Variants in PLEKHG1 observed in about 807,000 individuals in gnomAD.
The protein encoded by PLEKHG1 is pleckstrin homology and RhoGEF domain containing G1.
A neutral mutation model predicts 100.8 loss-of-function variants in PLEKHG1; 44 were observed. That is an observed-to-expected ratio of 0.44 (90% CI 0.34 to 0.56). PLEKHG1 has a LOEUF of 0.56. Ranked by LOEUF, PLEKHG1 falls within the 20% of genes least tolerant of loss-of-function variation. The pLI is 0.01. For missense variants in PLEKHG1, 1,545 were observed against 1,720.9 expected (o/e 0.90, Z 1.81); for synonymous variants, 640 against 662.5 (o/e 0.97, Z 0.52).
upstream of PLEKHG1, among the ~76,000 whole-genome samples, chr6:150,717,333 C>A (rs1364580442): frequency 3.9e-5 from 6 of 152,140 alleles, no homozygotes; most frequent in Non-Finnish European, 5.9e-5. Flanking sequence ...AGCCACCACA[C>A]CTGGCCTAAA....
chr6:150,775,168 A>G (rs1438791982), intron 3 of PLEKHG1, among the ~76,000 whole-genome samples: 2 of 152,206 alleles, frequency 1.3e-5, no homozygotes, highest in Admixed American at 1.3e-4. Context: ...AGTCAAAAGA[A>G]ACCACTTTCC....
chr6:150,743,693 A>T (rs138067314), intron 2 of PLEKHG1, among the ~76,000 whole-genome samples: 1 of 152,042 alleles, frequency 6.6e-6, no homozygotes, highest in African/African-American at 2.4e-5. Context: ...CCCTTCTTCT[A>T]TGTCTCCACC....
At chr6:150,672,785 A>G (rs13206482) in intron 3 of PLEKHG1, among the ~76,000 whole-genome samples, 1 of 152,254 alleles carries the variant, frequency 6.6e-6, no homozygotes, top group Non-Finnish European at 1.5e-5. Flanking sequence ...ATAAGATTAA[A>G]TAAAGTAACT....
chr6:150,744,167 C>T (rs1016727038), intron 2 of PLEKHG1, among the ~76,000 whole-genome samples: 4 of 152,146 alleles, frequency 2.6e-5, no homozygotes, highest in Non-Finnish European at 2.9e-5. Context: ...CCCCGCCTCC[C>T]GGGTTCAAGT....
In PLEKHG1 at chr6:150,839,690, A is replaced by T. The variant is rs568566201; in HGVS notation, c.3095-143A>T. On this transcript the variant is annotated intron_variant, in intron 15 of 15. Transcript: ENST00000358517. ...TGTGTGTGTTGCTCAGAGTTCAAAG[A>T]TTACTCATCCTTAGACATCAGTTAG... The T allele has an allele frequency of 2.8e-5, 17 of 601,510 alleles. 1 individual carries two copies. Among genetic ancestry groups the T allele is most frequent in the African/African-American group, 1.7e-4 (9 of 54,230 alleles). The allele number at this position is 601,510 out of a possible 1,614,324, so 37.3% of individuals were successfully genotyped here.
chr6:150,818,064 CGA>C (rs1316952576), intron 10 of PLEKHG1, 117 bp from the exon 12 acceptor site: 2 of 807,966 alleles, frequency 2.5e-6, no homozygotes, highest in Non-Finnish European at 4.1e-6. Flanking sequence ...ACATAAATAG[CGA>C]GTTTTTAAAC....
intron 3 of PLEKHG1, among the ~76,000 whole-genome samples, chr6:150,706,998 CTTTTTTTTTT>C (rs71014517): frequency 5.8e-5 from 3 of 51,934 alleles, no homozygotes; most frequent in East Asian, 6.7e-4. Flanking sequence ...TTTTCTTTTT[CTTTTTTTTTT>C]TTTTTTTTTT....
At chr6:150,684,364 G>A (rs752249607) in intron 3 of PLEKHG1, among the ~76,000 whole-genome samples, 2 of 152,218 alleles carry the variant, frequency 1.3e-5, no homozygotes, top group Non-Finnish European at 2.9e-5. Flanking sequence ...GTGATTGGCT[G>A]TTTCGGGAAT....
At chr6:150,792,502 A>G (rs1045209683) in intron 4 of PLEKHG1, among the ~76,000 whole-genome samples, 1 of 151,128 alleles carries the variant, frequency 6.6e-6, no homozygotes, top group African/African-American at 2.4e-5. Context: ...GCTAAACCCC[A>G]TCTCTACTAA....
intron 3 of PLEKHG1, among the ~76,000 whole-genome samples, chr6:150,673,954 C>T (rs140555652): frequency 5.9e-5 from 9 of 152,256 alleles, no homozygotes; most frequent in Admixed American, 2.0e-4. Flanking sequence ...CGTGTGCCAC[C>T]GCGCTCACCC....
At chr6:150,735,462 C>T (rs1210892115) in intron 2 of PLEKHG1, among the ~76,000 whole-genome samples, 1 of 152,158 alleles carries the variant, frequency 6.6e-6, no homozygotes, top group Non-Finnish European at 1.5e-5. Context: ...ATTCTCATAG[C>T]TTTAGAAAAA....
At chr6:150,783,309 A>G (rs1193623678) in intron 3 of PLEKHG1, among the ~76,000 whole-genome samples, 1 of 152,108 alleles carries the variant, frequency 6.6e-6, no homozygotes, top group Non-Finnish European at 1.5e-5. Context: ...TATGTGAGTA[A>G]TAGGAACTTT....
At chr6:150,823,751 G>C in intron 14 of PLEKHG1, 75 bp downstream of exon 15, 3 of 983,506 alleles carry the variant, frequency 3.1e-6, no homozygotes, top group Non-Finnish European at 4.8e-6. Flanking sequence ...CCCCATCTCT[G>C]TCATCTCCAG....
chr6:150,777,141 A>G (rs1290917234), intron 3 of PLEKHG1, among the ~76,000 whole-genome samples: 76 of 124,628 alleles, frequency 6.1e-4, no homozygotes, highest in Middle Eastern at 0.017. Context: ...GCACATGTGC[A>G]GTTGCACATT....
chr6:150,767,721 TTGGC>T (rs1378930786), intron 2 of PLEKHG1, among the ~76,000 whole-genome samples: 1 of 152,240 alleles, frequency 6.6e-6, no homozygotes, highest in East Asian at 1.9e-4. Flanking sequence ...CATGGTCTGC[TTGGC>T]TTTTCACAGG....
intron 3 of PLEKHG1, among the ~76,000 whole-genome samples, chr6:150,692,654 A>G (rs1780386627): frequency 6.6e-6 from 1 of 152,220 alleles, no homozygotes. Flanking sequence ...AAAAAATGCT[A>G]ATTTTAAGGG....
exon 15 of PLEKHG1, chr6:150,832,024 G>C: frequency 1.2e-6 from 2 of 1,613,734 alleles, no homozygotes; most frequent in Non-Finnish European, 1.7e-6. Flanking sequence ...CCACAGATAA[G>C]ACAAAAAGCA....
intron 15 of PLEKHG1, among the ~76,000 whole-genome samples, chr6:150,832,635 C>T (rs1235495329): frequency 1.3e-5 from 2 of 149,450 alleles, no homozygotes; most frequent in African/African-American, 4.9e-5. Flanking sequence ...AGGATCTCAA[C>T]AAAAATGCCA....
At chr6:150,599,975 A>G in exon 1 of PLEKHG1, 2 of 230,870 alleles carry the variant, frequency 8.7e-6, no homozygotes, top group South Asian at 4.0e-5. Context: ...TCCCCGCCCG[A>G]CCTGCGAGCG....
Sources: gnomAD v4.1 joint callset for allele counts (sites outside exome capture counted in the v4.1 genomes callset) on GRCh38, gnomAD v4.1.1 for gene constraint, MANE v1.5 for transcripts, NCBI Gene and HGNC (gene_info 2026-07-23, HGNC 2026-07-21) for gene names.